The following PPA2 variants were observed in gnomAD, a reference collection of about 807,000 sequenced individuals.
PPA2 encodes the protein inorganic pyrophosphatase 2, mitochondrial.
In PPA2, 48 loss-of-function variants were observed where a neutral mutation model predicts 49.5. The ratio of observed to expected loss-of-function variants is 0.97; its 90% CI spans 0.77 to 1.23. PPA2 has a LOEUF of 1.23. Ranked by LOEUF, PPA2 falls within the 50% of genes most tolerant of loss-of-function variation. The probability of loss-of-function intolerance (pLI) is 0.00; values close to 1 mark genes in which losing one functional copy is unlikely to be tolerated. For missense variants in PPA2, 429 were observed against 410.1 expected (o/e 1.05, Z -0.40); for synonymous variants, 131 against 139.9 (o/e 0.94, Z 0.45).
chr4:105,401,814 T>G (rs1325785631), intron 7 of PPA2, among the ~76,000 whole-genome samples: 1 of 152,238 alleles, frequency 6.6e-6, no homozygotes. Context: ...TAGTAAAGAC[T>G]CTACTTTTGT....
chr4:105,448,940 C>T lies in PPA2; in HGVS notation c.321+410G>A, dbSNP rs143112782. 2.1e-3 allele frequency among the ~76,000 whole-genome samples: 313 copies of T among 148,130 alleles called. 10 individuals are homozygous for T. The highest frequency in any genetic ancestry group is 0.011 in the East Asian group (57 of 5,158). ...ACTATCTCAAATTTAAAATATTGGC[C>T]GGGCGCGGTGGCTCACGCCTGTAAT... is the stretch of plus-strand genomic sequence containing the variant. On this transcript the variant is annotated intron_variant, in intron 4 of 11. Transcript: ENST00000341695.
rs1398882438 is a variant in PPA2, at chr4:105,449,501, G to T, written c.268-98C>A. 34 of 679,894 alleles carry T rather than the reference G, an allele frequency of 5.0e-5. No individual in the cohort carries two copies. In the East Asian group the frequency reaches 9.6e-4, roughly 19 times the overall value. 42.1% of individuals were successfully genotyped at this position (679,894 alleles called of 1,614,324 possible). A position where few individuals can be genotyped will look rare whatever the true frequency, so the allele number is the denominator to read the frequency against. ...AAGAATACCTTAGATGTTTTCCCCCGACAAAAAAAATGTTGAGTCTCCATC... is the reference window on the plus strand; with the variant it reads ...AAGAATACCTTAGATGTTTTCCCCCTACAAAAAAAATGTTGAGTCTCCATC... On this transcript the variant is annotated intron_variant, in intron 3 of 11. Coordinates refer to ENST00000341695, the MANE Select transcript of PPA2 (RefSeq NM_176869.3).
At chr4:105,452,697 G>A (rs1722721444) in intron 3 of PPA2, among the ~76,000 whole-genome samples, 1 of 152,080 alleles carries the variant, frequency 6.6e-6, no homozygotes, top group Non-Finnish European at 1.5e-5. Flanking sequence ...AAATGAAGCT[G>A]GAAAGGTAAA....
chr4:105,415,112 C>A (rs1196878582), intron 7 of PPA2, among the ~76,000 whole-genome samples: 2 of 152,130 alleles, frequency 1.3e-5, no homozygotes, highest in African/African-American at 4.8e-5. Flanking sequence ...CATGGTTAGG[C>A]CCAGAAAACG....
chr4:105,405,326 A>G (rs1243124424), intron 7 of PPA2: 1 of 762,290 alleles, frequency 1.3e-6, no homozygotes, highest in Non-Finnish European at 1.6e-6. Context: ...TTTGCTATAC[A>G]CATATAGTTT....
intron 1 of PPA2, among the ~76,000 whole-genome samples, chr4:105,472,530 A>G (rs558895958): frequency 6.6e-6 from 1 of 152,334 alleles, no homozygotes; most frequent in East Asian, 1.9e-4. Context: ...CTGCCACTTC[A>G]TAATTTTTTC....
chr4:105,373,629 G>T (rs1733118914), intron 10 of PPA2, among the ~76,000 whole-genome samples: 1 of 151,934 alleles, frequency 6.6e-6, no homozygotes, highest in African/African-American at 2.4e-5. Context: ...AAATGGGCAA[G>T]CTACTCTAAA....
At chr4:105,371,785 T>C (rs1733036430) in intron 10 of PPA2, among the ~76,000 whole-genome samples, 1 of 152,166 alleles carries the variant, frequency 6.6e-6, no homozygotes, top group Non-Finnish European at 1.5e-5. Context: ...ATGTGTTCCA[T>C]CTCACTATCT....
At chr4:105,436,386 A>C (rs940776029) in intron 6 of PPA2, among the ~76,000 whole-genome samples, 2 of 152,306 alleles carry the variant, frequency 1.3e-5, no homozygotes, top group Admixed American at 1.3e-4. Context: ...AAATGCCAAT[A>C]TTGCTCAAAG....
intron 9 of PPA2, among the ~76,000 whole-genome samples, chr4:105,392,257 G>C (rs1326803855): frequency 6.6e-6 from 1 of 150,922 alleles, no homozygotes; most frequent in Non-Finnish European, 1.5e-5. Context: ...TGGAAAAAAA[G>C]AATAAACAAC....
At chr4:105,390,010 A>G (rs1733848559) in intron 9 of PPA2, among the ~76,000 whole-genome samples, 1 of 152,208 alleles carries the variant, frequency 6.6e-6, no homozygotes, top group Non-Finnish European at 1.5e-5. Context: ...AACACCACAC[A>G]TCTACAACAA....
chr4:105,377,319 C>A (rs949965970), intron 10 of PPA2, among the ~76,000 whole-genome samples: 5 of 152,062 alleles, frequency 3.3e-5, no homozygotes, highest in Admixed American at 3.3e-4. Flanking sequence ...ACAATAAAAC[C>A]CAACATTTAT....
At chr4:105,404,917 T>TA (rs1365604915) in intron 7 of PPA2, among the ~76,000 whole-genome samples, 9 of 151,796 alleles carry the variant, frequency 5.9e-5, no homozygotes. Context: ...CTGTCTCTAC[T>TA]AAAAAAATAC....
chr4:105,375,366 C>A (rs1733207743), intron 10 of PPA2, among the ~76,000 whole-genome samples: 1 of 150,682 alleles, frequency 6.6e-6, no homozygotes, highest in Non-Finnish European at 1.5e-5. Flanking sequence ...TCTAATCAGA[C>A]CCTGATTTAT....
In PPA2 at chr4:105,424,391, T is replaced by C. The variant is rs1430232375; in HGVS notation, c.529-69A>G. 16 of 1,354,956 alleles carry C rather than the reference T, an allele frequency of 1.2e-5. No homozygotes were observed. In the East Asian group the frequency reaches 3.1e-4, roughly 26 times the overall value. 83.9% of individuals were successfully genotyped at this position (1,354,956 alleles called of 1,614,324 possible). ...GTTTACTCACATATCACAAAATCCA[T>C]ATAAAAGATTAAAAGAACTACAGAC... On this transcript the variant is annotated intron_variant, in intron 6 of 11. Transcript: ENST00000341695.
At chr4:105,375,284 G>A (rs1733203236) in intron 10 of PPA2, among the ~76,000 whole-genome samples, 1 of 151,620 alleles carries the variant, frequency 6.6e-6, no homozygotes, top group Non-Finnish European at 1.5e-5. Flanking sequence ...AAGCTGTTAA[G>A]GGGCAAAAAG....
chr4:105,381,313 C>T (rs1297045787), intron 10 of PPA2, among the ~76,000 whole-genome samples: 1 of 151,974 alleles, frequency 6.6e-6, no homozygotes, highest in Non-Finnish European at 1.5e-5. Context: ...TATCTCCTTC[C>T]AATCAATGGC....
chr4:105,373,110 A>T (rs1733094188), intron 10 of PPA2, among the ~76,000 whole-genome samples: 1 of 146,682 alleles, frequency 6.8e-6, no homozygotes, highest in Non-Finnish European at 1.5e-5. Context: ...AAGTGCTAGG[A>T]TAACAGGCAT....
intron 10 of PPA2, among the ~76,000 whole-genome samples, chr4:105,374,541 A>C (rs984696170): frequency 6.6e-5 from 10 of 152,188 alleles, no homozygotes; most frequent in Non-Finnish European, 8.8e-5. Flanking sequence ...TTTATATATA[A>C]ACTGTATTTT....
Sources: allele counts gnomAD v4.1 joint callset (sites outside exome capture counted in the v4.1 genomes callset), GRCh38; gene constraint gnomAD v4.1.1; transcripts MANE v1.5; gene names NCBI Gene and HGNC (gene_info 2026-07-23, HGNC 2026-07-21).